The following APPBP2 variants were observed in gnomAD, a reference collection of about 807,000 sequenced individuals.
APPBP2 encodes amyloid protein-binding protein 2.
A neutral mutation model predicts 76.0 loss-of-function variants in APPBP2; 15 were observed. The ratio of observed to expected loss-of-function variants is 0.20; its 90% confidence interval spans 0.13 to 0.30. The LOEUF (loss-of-function observed/expected upper bound fraction) is 0.30. Among genes scored for constraint, APPBP2 ranks in the 10% least tolerant of loss-of-function variants. The probability of loss-of-function intolerance (pLI) is 1.00; values close to 1 mark genes in which losing one functional copy is unlikely to be tolerated. For synonymous variants in APPBP2, 222 were observed against 242.2 expected, an observed-to-expected ratio of 0.92 and a Z score of 0.77; for missense variants, 401 against 687.2, an observed-to-expected ratio of 0.58 and a Z score of 4.66.
At chr17:60,468,105 AGTGGC>A in intron 4 of APPBP2, among the ~76,000 whole-genome samples, 1 of 152,334 alleles carries the variant, frequency 6.6e-6, no homozygotes, top group Admixed American at 6.5e-5. Context: ...CACTAGCCAC[AGTGGC>A]TACTGAGTAT....
chr17:60,463,454 A>C (rs2090490147), intron 6 of APPBP2, among the ~76,000 whole-genome samples: 1 of 152,230 alleles, frequency 6.6e-6, no homozygotes. Flanking sequence ...CGGCCAGGGC[A>C]ACATAGTGAG....
At chr17:60,479,714 TA>T (rs2090615732) in intron 3 of APPBP2, among the ~76,000 whole-genome samples, 2 of 152,240 alleles carry the variant, frequency 1.3e-5, no homozygotes, top group Admixed American at 6.5e-5. Context: ...ATTATCTTAT[TA>T]TTTTTTTAAA....
chr17:60,510,374 G>A (rs1756615212), intron 1 of APPBP2, among the ~76,000 whole-genome samples: 1 of 152,026 alleles, frequency 6.6e-6, no homozygotes, highest in African/African-American at 2.4e-5. Context: ...CTGGACTCCA[G>A]CCTGGACAAC....
At chr17:60,511,367 A>G (rs1241373746) in intron 1 of APPBP2, among the ~76,000 whole-genome samples, 1 of 152,160 alleles carries the variant, frequency 6.6e-6, no homozygotes, top group Non-Finnish European at 1.5e-5. Context: ...TGGGTGGATC[A>G]TGAGGTCAGG....
rs189689735 is a variant in APPBP2, at chr17:60,448,717, T to C, written c.1505-883A>G. On this transcript the variant is annotated intron_variant, in intron 12 of 12. Transcript: ENST00000083182. Reference sequence around the variant, plus strand: ...AAAGTAAAATACCAAAGAGTATCTATAGTATGCTATCTTTTGTGTATGATA... The same window carrying C: ...AAAGTAAAATACCAAAGAGTATCTACAGTATGCTATCTTTTGTGTATGATA... Among the ~76,000 whole-genome samples, 4 of 152,320 alleles carry C rather than the reference T, an allele frequency of 2.6e-5. No individual in the cohort carries two copies. The East Asian group carries it at 5.8e-4, about 22-fold the overall frequency.
At chr17:60,454,235 A>G in intron 11 of APPBP2, 67 bp downstream of exon 11, 1 of 1,200,790 alleles carries the variant, frequency 8.3e-7, no homozygotes, top group South Asian at 1.7e-5. Flanking sequence ...AGCTTACTTA[A>G]AATTTATTAT....
intron 1 of APPBP2, among the ~76,000 whole-genome samples, chr17:60,523,459 C>G (rs183700217): frequency 1.3e-5 from 2 of 152,024 alleles, no homozygotes; most frequent in African/African-American, 4.8e-5. Context: ...ATCACAACTG[C>G]ACTCCAGCCT....
chr17:60,467,336 T>A (rs1288926400), intron 4 of APPBP2, among the ~76,000 whole-genome samples: 1 of 152,106 alleles, frequency 6.6e-6, no homozygotes, highest in Admixed American at 6.6e-5. Context: ...ATACAAAAAA[T>A]TTATTTTTTC....
chr17:60,476,496 A>C (rs1485358641), intron 4 of APPBP2, among the ~76,000 whole-genome samples: 1 of 152,166 alleles, frequency 6.6e-6, no homozygotes, highest in Non-Finnish European at 1.5e-5. Context: ...AAATAATACT[A>C]AGTAGATGAA....
At chr17:60,459,982 C>A (rs1168457336) in intron 9 of APPBP2, 1 of 152,206 alleles carries the variant, frequency 6.6e-6, no homozygotes, top group Non-Finnish European at 1.5e-5. Context: ...ATTTCCCCCT[C>A]ACTCTTGCAA....
intron 1 of APPBP2, among the ~76,000 whole-genome samples, chr17:60,501,816 A>G (rs2090825812): frequency 6.6e-6 from 1 of 152,160 alleles, no homozygotes; most frequent in Non-Finnish European, 1.5e-5. Context: ...AACATAATAA[A>G]ACCTCAGCAC....
rs113173952 is a variant in APPBP2, at chr17:60,494,425, T to C, written c.379+41A>G. ...CTTTGTTAGCAGATTTAATTCTGAGTCCATCACAGGACAAAATACTTCTGT... is the reference window on the plus strand; with the variant it reads ...CTTTGTTAGCAGATTTAATTCTGAGCCCATCACAGGACAAAATACTTCTGT... On this transcript the variant is annotated intron_variant, in intron 3 of 12. Coordinates refer to ENST00000083182, the MANE Select transcript of APPBP2 (RefSeq NM_006380.5). 6 of 1,587,586 alleles carry C rather than the reference T, an allele frequency of 3.8e-6. No homozygotes were observed. In the African/African-American group the frequency reaches 6.8e-5, roughly 18 times the overall value.
intron 3 of APPBP2, among the ~76,000 whole-genome samples, chr17:60,488,718 A>T (rs778075534): frequency 6.6e-6 from 1 of 152,302 alleles, no homozygotes; most frequent in South Asian, 2.1e-4. Flanking sequence ...CCAGATTGGC[A>T]TAAGTAGATG....
At chr17:60,519,811 T>A (rs931036692) in intron 1 of APPBP2, among the ~76,000 whole-genome samples, 1 of 140,216 alleles carries the variant, frequency 7.1e-6, no homozygotes, top group African/African-American at 2.9e-5. Context: ...TGAGACAAGG[T>A]CTCACCCTGT....
chr17:60,480,966 G>T (rs546767449), intron 3 of APPBP2, among the ~76,000 whole-genome samples: 1 of 152,208 alleles, frequency 6.6e-6, no homozygotes, highest in South Asian at 2.1e-4. Context: ...TTAAATAATA[G>T]TCAATACCAG....
intron 1 of APPBP2, among the ~76,000 whole-genome samples, chr17:60,519,564 G>A (rs1436523495): frequency 6.6e-6 from 1 of 151,944 alleles, no homozygotes; most frequent in Non-Finnish European, 1.5e-5. Context: ...TCGGGACGAT[G>A]AGGCAGGAGG....
intron 1 of APPBP2, among the ~76,000 whole-genome samples, chr17:60,520,274 A>T (rs6503979): frequency 0.08 from 12,103 of 152,102 alleles, 1,608 homozygotes; most frequent in African/African-American, 0.28. Context: ...TTTAATTTTT[A>T]AAAAAATCAT....
rs148288198 is a variant in APPBP2 at position 60,487,313 on chromosome 17, G to A, written c.379+7153C>T. ...CTTCCAGCTTGGTTCCATTCTCCCCGTCACTTTCGGGTACACCAATCAAAC... is the reference window on the plus strand; with the variant it reads ...CTTCCAGCTTGGTTCCATTCTCCCCATCACTTTCGGGTACACCAATCAAAC... On this transcript the variant is annotated intron_variant, in intron 3 of 12. Coordinates refer to ENST00000083182, the MANE Select transcript of APPBP2 (RefSeq NM_006380.5). 3.3e-3 allele frequency among the ~76,000 whole-genome samples: 506 copies of A among 152,168 alleles called. 14 individuals carry two copies. Among genetic ancestry groups the A allele is most frequent in the Admixed American group, 0.026 (393 of 15,252 alleles).
chr17:60,506,603 A>G (rs2090870034), intron 1 of APPBP2, among the ~76,000 whole-genome samples: 1 of 152,178 alleles, frequency 6.6e-6, no homozygotes, highest in Non-Finnish European at 1.5e-5. Flanking sequence ...ACATGCATGC[A>G]TTCACTTAAA....
Sources: allele counts gnomAD v4.1 joint callset (sites outside exome capture counted in the v4.1 genomes callset), GRCh38; gene constraint gnomAD v4.1.1; transcripts MANE v1.5; gene names NCBI Gene and HGNC (gene_info 2026-07-23, HGNC 2026-07-21).